The following CDC42SE2 variants were observed in gnomAD, a reference collection of about 807,000 sequenced individuals.
The protein encoded by CDC42SE2 is CDC42 small effector 2, also known as CDC42 small effector protein 2.
In CDC42SE2, 3 loss-of-function variants were observed where a neutral mutation model predicts 11.5. That is an observed-to-expected ratio of 0.26 (90% CI 0.12 to 0.67). The LOEUF is 0.67. CDC42SE2 is among the 30% of genes least tolerant of loss of function. CDC42SE2 has a pLI of 0.80. For missense variants in CDC42SE2, 82 were observed against 106.8 expected, an observed-to-expected ratio of 0.77 and a Z score of 1.02; for synonymous variants, 33 against 34.8, an observed-to-expected ratio of 0.95 and a Z score of 0.18.
intron 3 of CDC42SE2, among the ~76,000 whole-genome samples, chr5:131,377,089 C>T (rs1266761920): frequency 6.6e-6 from 1 of 152,050 alleles, no homozygotes; most frequent in Non-Finnish European, 1.5e-5. Context: ...AATGGCTAAA[C>T]TAATTTACAT....
chr5:131,235,761 A>G, the CDC42SE2 span, among the ~76,000 whole-genome samples: 1 of 151,864 alleles, frequency 6.6e-6, no homozygotes, highest in Admixed American at 6.6e-5. Flanking sequence ...CACCCGGCTA[A>G]TTTTTGTATA....
intron 2 of CDC42SE2, among the ~76,000 whole-genome samples, chr5:131,337,282 G>A (rs995966632): frequency 9.2e-5 from 14 of 152,204 alleles, no homozygotes; most frequent in East Asian, 3.9e-4. Context: ...GCAGAACAGC[G>A]GATATTATTG....
intron 3 of CDC42SE2, among the ~76,000 whole-genome samples, chr5:131,365,159 G>T (rs570946253): frequency 6.6e-6 from 1 of 151,884 alleles, no homozygotes. Flanking sequence ...GCGTGGTGTC[G>T]CATGCCTGTA....
chr5:131,279,287 G>A (rs1757184082), intron 1 of CDC42SE2, among the ~76,000 whole-genome samples: 1 of 152,102 alleles, frequency 6.6e-6, no homozygotes, highest in Non-Finnish European at 1.5e-5. Context: ...GTTTAACTGT[G>A]TATCTAATAG....
chr5:131,285,142 C>T (rs957481468), intron 1 of CDC42SE2, among the ~76,000 whole-genome samples: 2 of 151,764 alleles, frequency 1.3e-5, no homozygotes, highest in African/African-American at 2.4e-5. Flanking sequence ...AAAAAATTGC[C>T]TGGTGAGGTG....
intron 3 of CDC42SE2, among the ~76,000 whole-genome samples, chr5:131,383,576 ACATGT>A (rs1041960456): frequency 3.3e-5 from 5 of 152,348 alleles, no homozygotes; most frequent in Non-Finnish European, 7.3e-5. Context: ...TGTTGCAATG[ACATGT>A]CATAACAGCC....
At chr5:131,265,878 TC>T (rs1756848219) in intron 1 of CDC42SE2, among the ~76,000 whole-genome samples, 2 of 152,238 alleles carry the variant, frequency 1.3e-5, no homozygotes, top group South Asian at 4.1e-4. Flanking sequence ...GTAATGTACT[TC>T]TGGTCCTGTT....
intron 1 of CDC42SE2, among the ~76,000 whole-genome samples, chr5:131,307,258 T>C (rs889403972): frequency 7.9e-6 from 1 of 126,310 alleles, no homozygotes; most frequent in African/African-American, 3.1e-5. Context: ...GATGTTCCCC[T>C]TCCTGTGTCC....
chr5:131,268,054 CTTTTTTTTTTTTTTTTT>C (rs148354795), intron 1 of CDC42SE2, among the ~76,000 whole-genome samples: 1 of 65,476 alleles, frequency 1.5e-5, no homozygotes, highest in Non-Finnish European at 2.8e-5. Context: ...CATGCTTATT[CTTTTTTTTTTTTTTTTT>C]TTTTTTTTTT....
chr5:131,344,133 A>G (rs1182679208), intron 2 of CDC42SE2, among the ~76,000 whole-genome samples: 1 of 152,184 alleles, frequency 6.6e-6, no homozygotes, highest in Non-Finnish European at 1.5e-5. Flanking sequence ...TGCATTTCCA[A>G]CTGAGGTACC....
upstream of CDC42SE2, among the ~76,000 whole-genome samples, chr5:131,243,452 G>C (rs1298765280): frequency 2.6e-5 from 4 of 152,276 alleles, no homozygotes; most frequent in Admixed American, 6.5e-5. Context: ...CGGGCGTGGT[G>C]GTGGGCACCT....
intron 1 of CDC42SE2, among the ~76,000 whole-genome samples, chr5:131,300,242 C>A (rs1348188883): frequency 6.6e-6 from 1 of 151,982 alleles, no homozygotes; most frequent in Non-Finnish European, 1.5e-5. Flanking sequence ...GACCACAGAA[C>A]CTGGACTTGC....
chr5:131,323,420 G>A (rs1032695001), intron 2 of CDC42SE2, among the ~76,000 whole-genome samples: 7 of 151,590 alleles, frequency 4.6e-5, no homozygotes, highest in African/African-American at 1.7e-4. Flanking sequence ...AATGATTTCA[G>A]TTTTATTACT....
chr5:131,381,664 A>G (rs1410908196), intron 3 of CDC42SE2, among the ~76,000 whole-genome samples: 2 of 152,156 alleles, frequency 1.3e-5, no homozygotes, highest in Non-Finnish European at 2.9e-5. Context: ...TCTTGAATCT[A>G]TCCACTTCTA....
Position 131,385,550 on chromosome 5 carries a change from G to A in CDC42SE2, c.62G>A (p.Arg21Gln), listed in dbSNP as rs1750456147. The A allele has an allele frequency of 1.9e-6, 3 of 1,612,812 alleles. No individual in the cohort carries two copies. Among genetic ancestry groups the A allele is most frequent in the Non-Finnish European group, 2.5e-6 (3 of 1,179,100 alleles). Residue 21 changes from arginine (R) to glutamine (Q), a missense_variant, in exon 4 of 5, where the codon CGA becomes CAA. Coordinates refer to ENST00000505065, the MANE Select transcript of CDC42SE2 (RefSeq NM_001375635.1). ...TTGTTCCCCATATTTTAGAAAAGGC[G>A]ACGGCGGATTGACAGAAGTATGATT... ...CIAEQPQPKR[R>Q]RRIDRSMIGE...
At chr5:131,261,030 C>T (rs1461957525), upstream of CDC42SE2, among the ~76,000 whole-genome samples, 3 of 152,238 alleles carry the variant, frequency 2.0e-5, no homozygotes, top group Non-Finnish European at 2.9e-5. Flanking sequence ...TAAAAGATTG[C>T]AGAATCAGGC....
intron 3 of CDC42SE2, among the ~76,000 whole-genome samples, chr5:131,383,090 A>C (rs1037264868): frequency 1.6e-4 from 24 of 152,300 alleles, no homozygotes; most frequent in African/African-American, 5.5e-4. Context: ...AAATAGACAA[A>C]CTGAGTCTGT....
chr5:131,287,932 A>G (rs1223887543), intron 1 of CDC42SE2, among the ~76,000 whole-genome samples: 1 of 151,866 alleles, frequency 6.6e-6, no homozygotes, highest in Non-Finnish European at 1.5e-5. Flanking sequence ...TTTTACCTCC[A>G]TTTATTATTT....
intron 2 of CDC42SE2, among the ~76,000 whole-genome samples, chr5:131,322,007 C>T (rs929324085): frequency 6.6e-6 from 1 of 152,166 alleles, no homozygotes; most frequent in Admixed American, 6.5e-5. Flanking sequence ...CCCGCCACCA[C>T]GCCTGGCTAA....
Sources: gnomAD v4.1 joint callset for allele counts (sites outside exome capture counted in the v4.1 genomes callset) on GRCh38, gnomAD v4.1.1 for gene constraint, MANE v1.5 for transcripts, NCBI Gene and HGNC (gene_info 2026-07-23, HGNC 2026-07-21) for gene names.